The following KRT1 variants were observed in gnomAD, a reference collection of about 807,000 sequenced individuals.
KRT1 encodes keratin 1.
Under a neutral mutation model 51.6 loss-of-function variants are expected in KRT1, and 28 were observed. The observed-to-expected ratio is 0.54, with a 90% CI of 0.40 to 0.74. The LOEUF is 0.74. KRT1 is among the 30% of genes least tolerant of loss of function. The probability of loss-of-function intolerance (pLI) is 0.00; values close to 1 mark genes in which losing one functional copy is unlikely to be tolerated. For missense variants in KRT1, 783 were observed against 815.5 expected (o/e 0.96, Z 0.49); for synonymous variants, 301 against 307.7 (o/e 0.98, Z 0.23).
rs1423704962 is a variant in KRT1, at chr12:52,677,202, C to G, written c.1129-18G>C. The G allele has an allele frequency of 6.2e-7, 1 of 1,614,166 alleles. No individual in the cohort carries two copies. Among genetic ancestry groups the G allele is most frequent in the Non-Finnish European group, 8.5e-7 (1 of 1,180,044 alleles). Reference sequence around the variant, plus strand: ...TCTTCATACTAAAGATGGTAGATAGCGTTTGTTAAATGTAGGCAGAACTCA... The same window carrying G: ...TCTTCATACTAAAGATGGTAGATAGGGTTTGTTAAATGTAGGCAGAACTCA... On this transcript the variant is annotated intron_variant, in intron 5 of 8. Coordinates refer to ENST00000252244, the MANE Select transcript of KRT1 (RefSeq NM_006121.4).
intron 5 of KRT1, 37 bp from the exon 6 acceptor site, chr12:52,677,221 G>A (rs1941520180): frequency 1.2e-6 from 2 of 1,614,190 alleles, no homozygotes; most frequent in East Asian, 2.2e-5. Flanking sequence ...AATGTAGGCA[G>A]AACTCAGCAT....
In KRT1 at chr12:52,679,898, C is replaced by T; in HGVS notation, c.451G>A (p.Gly151Ser). Reference protein sequence around the residue: ...GGYGPVCPPGGIQEVTINQSL... With the variant: ...GGYGPVCPPGSIQEVTINQSL... ...TGGTTGATAGTGACTTCTTGTATGC[C>T]ACCAGGAGGGCAGACAGGACCATAA... Residue 151 changes from glycine (G) to serine (S), a missense_variant, in exon 1 of 9, where the codon GGC becomes AGC. Transcript: ENST00000252244. 6.2e-7 allele frequency: 1 copy of T among 1,613,998 alleles called. No homozygotes were observed. The highest frequency in any genetic ancestry group is 1.1e-5 in the South Asian group (1 of 91,068).
Position 52,675,090 on chromosome 12 carries a change from C to G in KRT1, c.*103G>C. 11 of 1,440,026 alleles carry G rather than the reference C, an allele frequency of 7.6e-6. No homozygotes were observed. Among genetic ancestry groups the G allele is most frequent in the Admixed American group, 1.7e-5 (1 of 59,802 alleles). The allele number at this position is 1,440,026 out of a possible 1,614,324, so 89.2% of individuals were successfully genotyped here. A position where few individuals can be genotyped will look rare whatever the true frequency, so the allele number is the denominator to read the frequency against. On this transcript the variant is annotated 3_prime_UTR_variant, in exon 9 of 9. Transcript: ENST00000252244. ...TGAGCTAGTGTAACTAACCATAGCT[C>G]TTTTCTCCGGTAAGGCTGGGACAAA... is the stretch of plus-strand genomic sequence containing the variant.
intron 1 of KRT1, 149 bp from the exon 2 acceptor site, chr12:52,678,905 C>A: frequency 1.3e-6 from 1 of 764,132 alleles, no homozygotes; most frequent in Non-Finnish European, 2.2e-6. Context: ...ATATCATCTG[C>A]ATAATAAAAC....
rs1941495104 is a variant in KRT1, at chr12:52,675,744, C to T, written c.1476G>A (p.Arg492=). 6.2e-7 allele frequency: 1 copy of T among 1,614,188 alleles called. No homozygotes were observed. The change falls in exon 8 of 9, where the codon AGG becomes AGA. Residue 492 remains arginine (R), a splice_region_variant and synonymous_variant. Coordinates refer to ENST00000252244, the MANE Select transcript of KRT1 (RefSeq NM_006121.4). ...CGTTCGGGGCACATTCTCCAGACAT[C>T]CTGTAGGAGAAAATAAGAAAATTCC... is the stretch of plus-strand genomic sequence containing the variant. ...YRTLLEGEES[R]MSGECAPNVS...
In KRT1 at chr12:52,675,489, C is replaced by A. The variant is rs763093448; in HGVS notation, c.1639G>T (p.Gly547Cys). ...GSYGSGGGGG[G>C]GRGSYGSGGS... is the part of the protein sequence containing the mutation. ...CCGGAGCCATAGCTGCCACGGCCGC[C>A]GCCGCCGCCACCTCCAGAACCATAG... is the stretch of plus-strand genomic sequence containing the variant. The change falls in exon 9 of 9, where the codon GGC becomes TGC. Residue 547 changes from glycine to cysteine, a missense_variant. Physicochemically the swap from Gly to Cys is radical, Grantham distance 159. Coordinates refer to ENST00000252244, the MANE Select transcript of KRT1 (RefSeq NM_006121.4). 9.1e-6 allele frequency: 14 copies of A among 1,545,932 alleles called. No homozygotes were observed. In the African/African-American group the frequency reaches 1.1e-4, roughly 12 times the overall value.
chr12:52,678,825 C>T (rs1422277478), intron 1 of KRT1, 69 bp from the exon 2 acceptor site: 25 of 1,400,140 alleles, frequency 1.8e-5, no homozygotes, highest in Non-Finnish European at 2.4e-5. Context: ...AACTGTGCCT[C>T]ATTTGGAAAA....
At chr12:52,676,562 C>T in intron 6 of KRT1, 67 bp from the exon 7 acceptor site, 1 of 1,518,270 alleles carries the variant, frequency 6.6e-7, no homozygotes, top group Non-Finnish European at 9.1e-7. Context: ...CCCAATTGGT[C>T]TCCCCACTCC....
In KRT1 at chr12:52,680,360, GA is replaced by G; in HGVS notation, c.-13del. 1 of 1,611,668 alleles carries G rather than the reference GA, an allele frequency of 6.2e-7. No homozygotes were observed. The highest frequency in any genetic ancestry group is 8.5e-7 in the Non-Finnish European group (1 of 1,178,072). ...AACTGTCGACTCATGTTGACTTAGA[GA>G]AAAGTAGGAGCAAGGTAGAGTAAGG... On this transcript the variant is annotated 5_prime_UTR_variant, in exon 1 of 9. Transcript: ENST00000252244.
At chr12:52,676,249 T>C (rs1255966327) in intron 7 of KRT1, 26 bp downstream of exon 7, 15 of 1,577,048 alleles carry the variant, frequency 9.5e-6, no homozygotes, top group African/African-American at 1.3e-5. Flanking sequence ...TGAGAAGAGG[T>C]TCGACTCCCA....
intron 1 of KRT1, 126 bp from the exon 2 acceptor site, chr12:52,678,882 G>T (rs753829372): frequency 2.3e-6 from 2 of 875,178 alleles, no homozygotes; most frequent in Non-Finnish European, 3.7e-6. Flanking sequence ...ATAGGAAGAA[G>T]ATGATCAAGT....
chr12:52,679,887 T>G lies in KRT1; in HGVS notation c.462A>C (p.Glu154Asp), dbSNP rs1158380801. The G allele has an allele frequency of 6.2e-7, 1 of 1,613,956 alleles. No individual in the cohort carries two copies. Among genetic ancestry groups the G allele is most frequent in the East Asian group, 2.2e-5 (1 of 44,882 alleles). The part of the protein sequence containing the change: ...GPVCPPGGIQ[E>D]VTINQSLLQP... Reference sequence around the variant, plus strand: ...GAAGAAGGCTCTGGTTGATAGTGACTTCTTGTATGCCACCAGGAGGGCAGA... The same window carrying G: ...GAAGAAGGCTCTGGTTGATAGTGACGTCTTGTATGCCACCAGGAGGGCAGA... Residue 154 changes from glutamate to aspartate, a missense_variant, in exon 1 of 9, where the codon GAA becomes GAC. Physicochemically the swap from Glu to Asp is conservative, Grantham distance 45. Transcript: ENST00000252244.
chr12:52,678,098 G>A (rs78169845), intron 3 of KRT1, 65 bp downstream of exon 3: 2 of 1,500,144 alleles, frequency 1.3e-6, no homozygotes, highest in Non-Finnish European at 1.9e-6. Context: ...TTTCTGCTTA[G>A]TAATTGGAGA....
At chr12:52,676,581 C>A in intron 6 of KRT1, 86 bp from the exon 7 acceptor site, 1 of 1,320,028 alleles carries the variant, frequency 7.6e-7, no homozygotes, top group Non-Finnish European at 1.1e-6. Context: ...CCAGTGAGGC[C>A]AATAATGAGT....
chr12:52,678,066 T>G, intron 3 of KRT1, 97 bp downstream of exon 3: 1 of 1,167,470 alleles, frequency 8.6e-7, no homozygotes, highest in South Asian at 1.3e-5. Context: ...GTCTACTACC[T>G]GGCTCTCCAT....
rs141127814 is a variant in KRT1, at chr12:52,679,659, A to C, written c.591+99T>G. On this transcript the variant is annotated intron_variant, in intron 1 of 8. Transcript: ENST00000252244. The stretch of plus-strand genomic sequence containing the variant: ...CCACAAAACATCCTTTTAATCATGT[A>C]AACATGGAAACTTGAGGTTCAAACC... The C allele has an allele frequency of 1.3e-5, 14 of 1,045,300 alleles. No homozygotes were observed. The East Asian group carries it at 3.3e-4, about 25-fold the overall frequency. The allele number at this position is 1,045,300 out of a possible 1,614,324, so 64.8% of individuals were successfully genotyped here. A position where few individuals can be genotyped will look rare whatever the true frequency, so the allele number is the denominator to read the frequency against.
At chr12:52,679,720 A>T in intron 1 of KRT1, 38 bp downstream of exon 1, 2 of 1,570,036 alleles carry the variant, frequency 1.3e-6, no homozygotes. Flanking sequence ...CAAGTGGACC[A>T]GCGGCAGCCC....
At position 52,675,259 on chromosome 12, in the gene KRT1, G is replaced by C. The variant is rs769349684; in HGVS notation, c.1869C>G (p.Val623=). The C allele has an allele frequency of 2.9e-5, 47 of 1,613,788 alleles. No individual in the cohort carries two copies. The South Asian group carries it at 5.1e-4, about 17-fold the overall frequency. The change falls in exon 9 of 9, where the codon GTC becomes GTG. Residue 623 remains valine (V), a synonymous_variant. Transcript: ENST00000252244. ...IGGRGSSSGG[V]KSSGGSSSVK... is the part of the protein sequence containing the mutation. ...CGCTGGAACTGCCACCAGAGGACTT[G>C]ACACCCCCAGAGCTGGATCCCCGGC...
Position 52,680,113 on chromosome 12 carries a change from C to G in KRT1, c.236G>C (p.Ser79Thr). The change falls in exon 1 of 9, where the codon AGT becomes ACT. Residue 79 changes from serine to threonine, a missense_variant. By Grantham distance (58) the Ser-to-Thr change is moderately conservative. Transcript: ENST00000252244. ...ACCACGTCCACCTCCTCTAGCCACA[C>G]TTATGGAGATGCTTTTACTGCCACC... ...NLGGSKSISI[S>T]VARGGGRGSG... 1 of 1,565,246 alleles carries G rather than the reference C, an allele frequency of 6.4e-7. No homozygotes were observed. Among genetic ancestry groups the G allele is most frequent in the Non-Finnish European group, 8.7e-7 (1 of 1,154,902 alleles).
Sources: allele counts gnomAD v4.1 joint callset, GRCh38; gene constraint gnomAD v4.1.1; transcripts MANE v1.5; gene names NCBI Gene and HGNC (gene_info 2026-07-23, HGNC 2026-07-21).